Variants in KIRREL1 observed in about 807,000 individuals in gnomAD.
The protein encoded by KIRREL1 is kin of IRRE-like protein 1.
KIRREL1 carries 25 observed loss-of-function variants against 83.3 expected under a neutral mutation model. The ratio of observed to expected loss-of-function variants is 0.30; its 90% CI spans 0.22 to 0.42. The LOEUF (loss-of-function observed/expected upper bound fraction) is 0.42, where lower values mean the gene tolerates loss of function less well. KIRREL1 is among the 10% of genes least tolerant of loss of function. KIRREL1 has a pLI of 1.00. For missense variants in KIRREL1, 812 were observed against 1,032.3 expected (o/e 0.79, Z 2.92); for synonymous variants, 388 against 410.4 (o/e 0.95, Z 0.66).
chr1:158,093,343 G>T lies in KIRREL1; in HGVS notation c.1476G>T (p.Val492=). The change falls in exon 12 of 15, where the codon GTG becomes GTT. Residue 492 remains valine (V), a synonymous_variant. Coordinates refer to ENST00000359209, the MANE Select transcript of KIRREL1 (RefSeq NM_018240.7). ...CCTTTCCTTCCCCATCGAAAGAGGTGTTACCTGTGGGCATCATAGCTGGGG... is the reference window on the plus strand; with the variant it reads ...CCTTTCCTTCCCCATCGAAAGAGGTTTTACCTGTGGGCATCATAGCTGGGG... ...TAIIQLEERE[V]LPVGIIAGAT... is the part of the protein sequence containing the mutation. 1 of 1,613,764 alleles carries T rather than the reference G, an allele frequency of 6.2e-7. No homozygotes were observed.
At chr1:158,093,075 C>T (rs1014440852) in intron 11 of KIRREL1, among the ~76,000 whole-genome samples, 2 of 152,164 alleles carry the variant, frequency 1.3e-5, no homozygotes, top group South Asian at 2.1e-4. Context: ...CAAACTCCTG[C>T]CCCAGCTGCA....
At chr1:158,093,933 C>T (rs1281100758) in intron 13 of KIRREL1, among the ~76,000 whole-genome samples, 171 bp downstream of exon 13, 1 of 152,216 alleles carries the variant, frequency 6.6e-6, no homozygotes, top group Non-Finnish European at 1.5e-5. Flanking sequence ...ACGCCCCAGG[C>T]TAGTTTCCTC....
At chr1:158,022,647 C>G (rs1364693692) in intron 1 of KIRREL1, among the ~76,000 whole-genome samples, 2 of 152,200 alleles carry the variant, frequency 1.3e-5, no homozygotes, top group African/African-American at 4.8e-5. Flanking sequence ...GGACTTGTCC[C>G]AGATCCTTTG....
intron 1 of KIRREL1, among the ~76,000 whole-genome samples, chr1:158,007,621 G>A (rs1411239830): frequency 6.6e-6 from 1 of 152,086 alleles, no homozygotes; most frequent in Non-Finnish European, 1.5e-5. Context: ...AAGAGCTCGT[G>A]TGTCTGGGGG....
At chr1:158,074,126 C>G (rs1376818647) in intron 1 of KIRREL1, among the ~76,000 whole-genome samples, 1 of 152,130 alleles carries the variant, frequency 6.6e-6, no homozygotes, top group Non-Finnish European at 1.5e-5. Context: ...CTGACCCACC[C>G]CTCCCCCAGG....
chr1:158,036,156 C>A (rs555070107), intron 1 of KIRREL1, among the ~76,000 whole-genome samples: 127 of 152,286 alleles, frequency 8.3e-4, no homozygotes, highest in African/African-American at 3.0e-3. Context: ...CATTACAATG[C>A]AAGTAGACTA....
intron 1 of KIRREL1, among the ~76,000 whole-genome samples, chr1:158,050,906 C>T (rs1181487289): frequency 6.6e-6 from 1 of 152,100 alleles, no homozygotes; most frequent in Non-Finnish European, 1.5e-5. Flanking sequence ...TCTATTTGAT[C>T]CGTCCCGGTC....
At chr1:158,002,215 C>A (rs190050717) in intron 1 of KIRREL1, among the ~76,000 whole-genome samples, 141 of 152,294 alleles carry the variant, frequency 9.3e-4, no homozygotes, top group Non-Finnish European at 1.4e-3. Context: ...CAGAGTTCAA[C>A]GGCAGTAACT....
At chr1:158,029,366 T>TGTGTGTGTGTGTGTGTGTGC (rs1553238087) in intron 1 of KIRREL1, among the ~76,000 whole-genome samples, 95 of 149,022 alleles carry the variant, frequency 6.4e-4, no homozygotes, top group Non-Finnish European at 8.8e-4. Flanking sequence ...TGTGTGTGTG[T>TGTGTGTGTGTGTGTGTGTGC]GCACGTGCGC....
intron 1 of KIRREL1, among the ~76,000 whole-genome samples, chr1:158,043,341 G>A (rs919292783): frequency 7.9e-5 from 12 of 152,138 alleles, no homozygotes; most frequent in South Asian, 2.1e-4. Context: ...AAAGAGTGGC[G>A]TAAGAATCCT....
chr1:158,089,033 G>A (rs1662110540), intron 8 of KIRREL1, among the ~76,000 whole-genome samples: 1 of 152,000 alleles, frequency 6.6e-6, no homozygotes, highest in African/African-American at 2.4e-5. Context: ...CGGGCCTACT[G>A]CAGTGGTAAA....
In KIRREL1 at chr1:158,094,274, G is replaced by A. The variant is rs535109852; in HGVS notation, c.1720-39G>A. ...GTTGGTGAGGGGCGAAAAGAGCAGG[G>A]CTTCCGTCTGCTGACGTCCCACTCC... On this transcript the variant is annotated intron_variant, in intron 13 of 14. Transcript: ENST00000359209. The surrounding 1 kb of genome is among the most constrained non-coding windows in gnomAD (Gnocchi z 4.6). 28 of 1,552,868 alleles carry A rather than the reference G, an allele frequency of 1.8e-5. 1 individual carries two copies. The South Asian group carries it at 3.1e-4, about 17-fold the overall frequency.
chr1:158,008,117 G>A (rs530349774), intron 1 of KIRREL1, among the ~76,000 whole-genome samples: 74 of 152,128 alleles, frequency 4.9e-4, no homozygotes, highest in Middle Eastern at 6.8e-3. Flanking sequence ...TCCTGGGCAC[G>A]CAGCTCATTT....
chr1:158,010,457 ACACT>A (rs1659653085), intron 1 of KIRREL1, among the ~76,000 whole-genome samples: 1 of 146,030 alleles, frequency 6.8e-6, no homozygotes, highest in African/African-American at 2.5e-5. Flanking sequence ...ACACACACAC[ACACT>A]GTCCTGAGAA....
At chr1:158,038,451 G>A (rs1275097825) in intron 1 of KIRREL1, among the ~76,000 whole-genome samples, 1 of 150,868 alleles carries the variant, frequency 6.6e-6, no homozygotes, top group Non-Finnish European at 1.5e-5. Flanking sequence ...AAAAAATCTG[G>A]TGTCTTCCAG....
intron 1 of KIRREL1, among the ~76,000 whole-genome samples, chr1:158,009,824 G>T (rs1274778037): frequency 1.3e-5 from 2 of 152,202 alleles, no homozygotes; most frequent in African/African-American, 4.8e-5. Flanking sequence ...GTGCCAAAGG[G>T]TTAAACATAG....
intron 1 of KIRREL1, among the ~76,000 whole-genome samples, chr1:158,035,605 C>G (rs1660454107): frequency 6.6e-6 from 1 of 152,044 alleles, no homozygotes; most frequent in Non-Finnish European, 1.5e-5. Context: ...AATTACTCAC[C>G]CTATGTTCTG....
chr1:158,086,455 A>G, intron 4 of KIRREL1, 141 bp from the exon 5 acceptor site: 3 of 666,024 alleles, frequency 4.5e-6, no homozygotes, highest in Non-Finnish European at 7.6e-6. Context: ...CACACAAGGG[A>G]AGAGGTTGTG....
intron 3 of KIRREL1, among the ~76,000 whole-genome samples, chr1:158,080,894 T>C (rs1661830573): frequency 6.6e-6 from 1 of 151,940 alleles, no homozygotes; most frequent in African/African-American, 2.4e-5. Flanking sequence ...CAGCCTTTGC[T>C]CATGGCAGCT....
Sources: gnomAD v4.1 joint callset for allele counts (sites outside exome capture counted in the v4.1 genomes callset) on GRCh38, gnomAD v4.1.1 for gene constraint, Gnocchi (gnomAD v3.1) non-coding constraint, MANE v1.5 for transcripts, NCBI Gene and HGNC (gene_info 2026-07-23, HGNC 2026-07-21) for gene names.